Variants in ZNF420 observed in about 807,000 individuals in gnomAD.
ZNF420 encodes zinc finger protein 420.
A neutral mutation model predicts 44.7 loss-of-function variants in ZNF420; 31 were observed. That is an observed-to-expected ratio of 0.69 (90% CI 0.52 to 0.94). ZNF420 has a LOEUF of 0.94. Among genes scored for constraint, ZNF420 ranks in the 40% least tolerant of loss-of-function variants. The pLI is 0.00. For missense variants in ZNF420, 681 were observed against 827.9 expected (o/e 0.82, Z 2.18); for synonymous variants, 245 against 267.4 (o/e 0.92, Z 0.82).
chr19:37,069,668 C>T (rs981614431), intron 1 of ZNF420, among the ~76,000 whole-genome samples: 3 of 151,918 alleles, frequency 2.0e-5, no homozygotes, highest in Non-Finnish European at 4.4e-5. Context: ...ACAGTATTGT[C>T]GTATGGATAT....
intron 1 of ZNF420, among the ~76,000 whole-genome samples, chr19:37,026,432 G>A (rs972756897): frequency 4.6e-5 from 7 of 151,824 alleles, no homozygotes; most frequent in African/African-American, 1.7e-4. Context: ...CGATTCTCCT[G>A]CCTTAACTTC....
At chr19:37,106,135 T>C (rs1599688385) in intron 4 of ZNF420, among the ~76,000 whole-genome samples, 1 of 152,200 alleles carries the variant, frequency 6.6e-6, no homozygotes, top group South Asian at 2.1e-4. Context: ...CCATTCAGTA[T>C]GATATTGGCT....
At chr19:37,053,788 G>A (rs181737028) in intron 1 of ZNF420, among the ~76,000 whole-genome samples, 2 of 152,310 alleles carry the variant, frequency 1.3e-5, no homozygotes, top group African/African-American at 4.8e-5. Context: ...GTGCCTCCCA[G>A]TTAGGCTTCT....
At chr19:37,096,204 G>A (rs1257146605) in intron 4 of ZNF420, 2 of 145,856 alleles carry the variant, frequency 1.4e-5, no homozygotes, top group Non-Finnish European at 3.0e-5. Context: ...ACTTCTAGAT[G>A]TTTGATGTTC....
intron 4 of ZNF420, among the ~76,000 whole-genome samples, chr19:37,095,258 T>C (rs1038781861): frequency 3.6e-4 from 55 of 152,356 alleles, no homozygotes; most frequent in African/African-American, 1.3e-3. Flanking sequence ...TTAGTAATTA[T>C]CATTATTGTT....
At chr19:37,039,507 C>A (rs1967415298) in intron 1 of ZNF420, among the ~76,000 whole-genome samples, 1 of 152,068 alleles carries the variant, frequency 6.6e-6, no homozygotes, top group African/African-American at 2.4e-5. Context: ...AGCAGTAGGT[C>A]TCAACAGTGG....
At chr19:37,060,111 G>A (rs1188233538) in intron 1 of ZNF420, among the ~76,000 whole-genome samples, 2 of 151,960 alleles carry the variant, frequency 1.3e-5, no homozygotes, top group South Asian at 2.1e-4. Flanking sequence ...GAGATGCGTC[G>A]GTCCCAGAGC....
intron 2 of ZNF420, among the ~76,000 whole-genome samples, chr19:37,081,789 G>C (rs556986447): frequency 2.9e-5 from 4 of 138,936 alleles, no homozygotes; most frequent in Admixed American, 8.0e-5. Flanking sequence ...CAGGTGATCT[G>C]CCCACCTCGG....
At chr19:37,110,501 A>G (rs1397175570) in intron 4 of ZNF420, among the ~76,000 whole-genome samples, 1 of 152,228 alleles carries the variant, frequency 6.6e-6, no homozygotes, top group Non-Finnish European at 1.5e-5. Flanking sequence ...CTGGTAAATT[A>G]GTGTGTGCTC....
chr19:37,130,066 G>T lies in ZNF420; in HGVS notation c.*1008G>T. The T allele has an allele frequency of 6.5e-7, 1 of 1,549,612 alleles. No individual in the cohort carries two copies. Among genetic ancestry groups the T allele is most frequent in the Non-Finnish European group, 8.7e-7 (1 of 1,146,664 alleles). ...CCTTGCAGGTCAACAAGATAGAAGT[G>T]ATATTTATATGAGTAGGAGATTTAC... On this transcript the variant is annotated 3_prime_UTR_variant, in exon 5 of 5. Coordinates refer to ENST00000337995, the MANE Select transcript of ZNF420 (RefSeq NM_144689.5).
chr19:37,113,077 A>T (rs12459805), intron 4 of ZNF420, among the ~76,000 whole-genome samples: 1 of 152,194 alleles, frequency 6.6e-6, no homozygotes. Flanking sequence ...ACAAAGGGCT[A>T]AATTGGGAAT....
At chr19:37,121,047 G>C (rs938209723) in intron 4 of ZNF420, among the ~76,000 whole-genome samples, 19 of 151,108 alleles carry the variant, frequency 1.3e-4, no homozygotes, top group African/African-American at 4.2e-4. Context: ...TGGCCATACT[G>C]CCCAAGGTAA....
intron 4 of ZNF420, among the ~76,000 whole-genome samples, chr19:37,113,824 T>C (rs986434886): frequency 6.6e-6 from 1 of 152,170 alleles, no homozygotes; most frequent in Non-Finnish European, 1.5e-5. Context: ...CCCTATTTTT[T>C]TGGACCTGTT....
chr19:37,107,438 G>A (rs1970155286), intron 4 of ZNF420: 1 of 152,226 alleles, frequency 6.6e-6, no homozygotes, highest in Non-Finnish European at 1.5e-5. Context: ...ATTAAACCTT[G>A]AGTCAACACA....
At chr19:37,042,719 A>C (rs1292717395) in intron 1 of ZNF420, among the ~76,000 whole-genome samples, 2 of 152,160 alleles carry the variant, frequency 1.3e-5, no homozygotes, top group Non-Finnish European at 2.9e-5. Context: ...CTGGAGTAGC[A>C]CTTTTAATTT....
In ZNF420 at chr19:37,128,851, T is replaced by C; in HGVS notation, c.1860T>C (p.Cys620=). 1.2e-6 allele frequency: 2 copies of C among 1,614,006 alleles called. No homozygotes were observed. Among genetic ancestry groups the C allele is most frequent in the Non-Finnish European group, 8.5e-7 (1 of 1,179,992 alleles). The change falls in exon 5 of 5, where the codon TGT becomes TGC. Residue 620 remains cysteine (C), a synonymous_variant. Transcript: ENST00000337995. ...AGAAGCCCTATGAATGCAGAGAATG[T>C]AGAAAGGCCTTTACTCAGAGTTCAC... ...TGEKPYECRE[C]RKAFTQSSHL...
At chr19:37,079,317 G>A (rs1338511346) in intron 1 of ZNF420, among the ~76,000 whole-genome samples, 1 of 152,148 alleles carries the variant, frequency 6.6e-6, no homozygotes, top group Non-Finnish European at 1.5e-5. Context: ...ACCTTATGGG[G>A]GTTTAGTCCA....
chr19:37,017,701 A>G (rs2074618050), intron 1 of ZNF420, among the ~76,000 whole-genome samples: 1 of 152,212 alleles, frequency 6.6e-6, no homozygotes, highest in African/African-American at 2.4e-5. Flanking sequence ...TGAAAAACCC[A>G]CAGTGGACAG....
chr19:37,078,347 TTCC>T (rs1968224810), upstream of ZNF420: 1 of 152,168 alleles, frequency 6.6e-6, no homozygotes, highest in Admixed American at 6.5e-5. Flanking sequence ...TGGACTACAT[TTCC>T]CAGAGGCACG....
Sources: allele counts gnomAD v4.1 joint callset (sites outside exome capture counted in the v4.1 genomes callset), GRCh38; gene constraint gnomAD v4.1.1; transcripts MANE v1.5; gene names NCBI Gene and HGNC (gene_info 2026-07-23, HGNC 2026-07-21).